Variants in DYSF observed in about 807,000 individuals in gnomAD.
DYSF encodes the protein dysferlin.
DYSF carries 212 observed loss-of-function variants against 274.9 expected under a neutral mutation model. That is an observed-to-expected ratio of 0.77 (90% confidence interval 0.69 to 0.86). DYSF has a LOEUF of 0.86. Ranked by LOEUF, DYSF falls within the 40% of genes least tolerant of loss-of-function variation. The pLI, the probability that DYSF is intolerant of heterozygous loss-of-function variation, is 0.00. For synonymous variants in DYSF, 1,091 were observed against 1,078.7 expected, an observed-to-expected ratio of 1.01 and a Z score of -0.22; for missense variants, 2,666 against 2,783.2, an observed-to-expected ratio of 0.96 and a Z score of 0.95.
intron 33 of DYSF, among the ~76,000 whole-genome samples, chr2:71,599,523 C>A (rs982951209): frequency 2.6e-5 from 4 of 152,108 alleles, no homozygotes; most frequent in Admixed American, 1.3e-4. Context: ...AGACCCAGGC[C>A]CTGGAGGAAA....
chr2:71,611,132 C>G (rs1288170765), intron 36 of DYSF, 113 bp from the exon 37 acceptor site: 1 of 837,356 alleles, frequency 1.2e-6, no homozygotes, highest in African/African-American at 1.7e-5. Flanking sequence ...CTTTCCTTCT[C>G]TGTTTCTCCC....
intron 27 of DYSF, 123 bp downstream of exon 27, chr2:71,570,057 T>C: frequency 1.8e-6 from 2 of 1,112,970 alleles, no homozygotes; most frequent in Non-Finnish European, 2.7e-6. Context: ...CTTCATGCTT[T>C]GATTTCCAAA....
At chr2:71,652,470 A>G (rs2094682885) in intron 42 of DYSF, among the ~76,000 whole-genome samples, 1 of 152,220 alleles carries the variant, frequency 6.6e-6, no homozygotes, top group Non-Finnish European at 1.5e-5. Flanking sequence ...TCACATTCAT[A>G]GTACCAACAA....
intron 42 of DYSF, among the ~76,000 whole-genome samples, chr2:71,653,990 G>A (rs2094719866): frequency 1.3e-5 from 2 of 152,048 alleles, no homozygotes; most frequent in Non-Finnish European, 2.9e-5. Context: ...GCAAGTGACA[G>A]ACTGGGACAA....
At chr2:71,468,123 A>C (rs950001919) in intron 1 of DYSF, among the ~76,000 whole-genome samples, 11 of 152,244 alleles carry the variant, frequency 7.2e-5, no homozygotes, top group African/African-American at 2.7e-4. Context: ...CTGGGAGTTC[A>C]CTATGCAAGA....
At chr2:71,590,384 G>A in intron 32 of DYSF, 96 bp downstream of exon 32, 1 of 1,365,682 alleles carries the variant, frequency 7.3e-7, no homozygotes, top group Non-Finnish European at 1.0e-6. Flanking sequence ...CTGTTTGCTG[G>A]GTGCATGGAG....
chr2:71,571,511 C>T (rs1164513819), intron 29 of DYSF, among the ~76,000 whole-genome samples: 5 of 134,518 alleles, frequency 3.7e-5, no homozygotes, highest in Non-Finnish European at 6.2e-5. Context: ...TCACACCCAC[C>T]ACACACAGCT....
intron 3 of DYSF, among the ~76,000 whole-genome samples, chr2:71,496,597 A>G (rs889285405): frequency 1.3e-5 from 2 of 152,044 alleles, no homozygotes; most frequent in South Asian, 4.2e-4. Context: ...ACCTGGCCCT[A>G]TGGTGCTTAG....
chr2:71,531,871 G>A (rs2088759193), intron 14 of DYSF, among the ~76,000 whole-genome samples: 1 of 152,082 alleles, frequency 6.6e-6, no homozygotes, highest in Admixed American at 6.5e-5. Context: ...AAAGTAAGGT[G>A]TCCTTCAACA....
At chr2:71,567,374 T>C (rs1197167794) in intron 24 of DYSF, among the ~76,000 whole-genome samples, 5 of 152,244 alleles carry the variant, frequency 3.3e-5, no homozygotes, top group African/African-American at 1.2e-4. Context: ...CAGATCTGTA[T>C]CATTGTATCT....
rs143738269 is a variant in DYSF at position 71,583,043 on chromosome 2, C to CAAAA, written c.3403-6527_3403-6524dup. Reference sequence around the variant, plus strand: ...TGGGTGACAGAGCAAGACTCCATCTCAAAAAAAAAAAAAAAAAAAAAAAAA... The same window carrying CAAAA: ...TGGGTGACAGAGCAAGACTCCATCTCAAAAAAAAAAAAAAAAAAAAAAAAAAAAA... On this transcript the variant is annotated intron_variant, in intron 30 of 55. Transcript: ENST00000410020. Among the ~76,000 whole-genome samples the CAAAA allele has an allele frequency of 1.3e-3, 64 of 49,942 alleles. 5 individuals carry two copies. In the South Asian group the frequency reaches 0.015, roughly 12 times the overall value. 32.8% of individuals were successfully genotyped at this position (49,942 alleles called of 152,430 possible).
intron 10 of DYSF, among the ~76,000 whole-genome samples, chr2:71,518,860 A>G (rs1224613569): frequency 2.6e-5 from 4 of 151,900 alleles, no homozygotes; most frequent in African/African-American, 4.8e-5. Context: ...TGGGAGGCCA[A>G]GGTGGGCAGA....
chr2:71,605,953 G>A (rs1412967533), intron 36 of DYSF, among the ~76,000 whole-genome samples: 1 of 152,182 alleles, frequency 6.6e-6, no homozygotes, highest in African/African-American at 2.4e-5. Context: ...GCTGCCCCCT[G>A]CCTGGAGCTC....
chr2:71,550,977 G>C, intron 17 of DYSF, 64 bp from the exon 18 acceptor site: 1 of 1,454,668 alleles, frequency 6.9e-7, no homozygotes. Flanking sequence ...TTGGAAGGTG[G>C]CTGGGTGGAG....
At chr2:71,475,608 G>A (rs2082340537) in intron 1 of DYSF, among the ~76,000 whole-genome samples, 1 of 152,070 alleles carries the variant, frequency 6.6e-6, no homozygotes, top group East Asian at 1.9e-4. Context: ...CCATCAGAGT[G>A]GGCACAGAGG....
intron 24 of DYSF, among the ~76,000 whole-genome samples, 191 bp from the exon 25 acceptor site, chr2:71,567,760 G>T (rs1237037114): frequency 6.6e-6 from 1 of 151,976 alleles, no homozygotes; most frequent in Non-Finnish European, 1.5e-5. Context: ...GGGGTAGGGG[G>T]TGGGGTGGAC....
chr2:71,454,342 A>G (rs2080961548), intron 1 of DYSF, among the ~76,000 whole-genome samples: 1 of 152,232 alleles, frequency 6.6e-6, no homozygotes, highest in Admixed American at 6.5e-5. Context: ...TAGGCCAGGA[A>G]GGTGGGACCA....
intron 1 of DYSF, among the ~76,000 whole-genome samples, 157 bp from the exon 2 acceptor site, chr2:71,480,726 T>G (rs986546428): frequency 5.9e-5 from 9 of 152,138 alleles, no homozygotes; most frequent in African/African-American, 2.2e-4. Flanking sequence ...GCATTGGGGA[T>G]TCATTGCAGA....
At chr2:71,601,346 C>A in intron 34 of DYSF, 153 bp from the exon 35 acceptor site, 4 of 989,042 alleles carry the variant, frequency 4.0e-6, no homozygotes, top group South Asian at 1.3e-5. Context: ...GAGGAATGGG[C>A]ACAGTGCCAG....
Sources: gnomAD v4.1 joint callset for allele counts (sites outside exome capture counted in the v4.1 genomes callset) on GRCh38, gnomAD v4.1.1 for gene constraint, MANE v1.5 for transcripts, NCBI Gene and HGNC (gene_info 2026-07-23, HGNC 2026-07-21) for gene names.